KSR2: variants seen among roughly 807,000 people sequenced by gnomAD.
The protein encoded by KSR2 is kinase suppressor of ras 2.
KSR2 carries 25 observed loss-of-function variants against 107.8 expected under a neutral mutation model. The ratio of observed to expected loss-of-function variants is 0.23; its 90% CI spans 0.17 to 0.32. The LOEUF (loss-of-function observed/expected upper bound fraction) is 0.32. Among genes scored for constraint, KSR2 ranks in the 10% least tolerant of loss-of-function variants. The probability of loss-of-function intolerance (pLI) is 1.00; values close to 1 mark genes in which losing one functional copy is unlikely to be tolerated. For synonymous variants in KSR2, 480 were observed against 507.0 expected, an observed-to-expected ratio of 0.95 and a Z score of 0.71; for missense variants, 887 against 1,268.9, an observed-to-expected ratio of 0.70 and a Z score of 4.57.
rs111263281 is a variant in KSR2, at chr12:117,574,757, T to G, written c.1325+4362A>C. Among the ~76,000 whole-genome samples, 407 of 152,216 alleles carry G rather than the reference T, an allele frequency of 2.7e-3. 1 individual carries two copies. The highest frequency in any genetic ancestry group is 9.1e-3 in the African/African-American group (379 of 41,532). On this transcript the variant is annotated intron_variant, in intron 7 of 19. Coordinates refer to ENST00000339824, the MANE Select transcript of KSR2 (RefSeq NM_173598.6). ...GCAGGTCTGGAGTGGGCCCCAAGAA[T>G]GTGCATTTCTAGCCAGGTGTCAGGT...
intron 18 of KSR2, among the ~76,000 whole-genome samples, chr12:117,470,483 GAAGGTCTAGAAT>G (rs1871382881): frequency 6.6e-6 from 1 of 152,158 alleles, no homozygotes; most frequent in Non-Finnish European, 1.5e-5. Context: ...CTCTATTCTA[GAAGGTCTAGAAT>G]ACACTGAGGT....
chr12:117,893,872 A>T lies in KSR2; in HGVS notation c.181-33441T>A, dbSNP rs115298326. Among the ~76,000 whole-genome samples, 538 of 151,556 alleles carry T rather than the reference A, an allele frequency of 3.5e-3. 2 individuals are homozygous for T. The highest frequency in any genetic ancestry group is 0.012 in the African/African-American group (484 of 41,314). ...TAACGCAGCATTTTAAAAAGTCAAA[A>T]TTCATAGCCAGAAAAATCCACAAAG... On this transcript the variant is annotated intron_variant, in intron 1 of 19. Transcript: ENST00000339824.
intron 16 of KSR2, among the ~76,000 whole-genome samples, chr12:117,483,885 G>A (rs1441783271): frequency 1.3e-5 from 2 of 152,200 alleles, no homozygotes; most frequent in African/African-American, 4.8e-5. Flanking sequence ...GACAGAGGAA[G>A]GCATCAACAA....
chr12:117,565,575 T>C (rs1005005146), intron 7 of KSR2, among the ~76,000 whole-genome samples: 2 of 152,224 alleles, frequency 1.3e-5, no homozygotes, highest in African/African-American at 4.8e-5. Context: ...TATCAGTTTA[T>C]ATATGGCTAT....
At chr12:117,577,765 C>A (rs816197) in intron 7 of KSR2, among the ~76,000 whole-genome samples, 22,261 of 152,130 alleles carry the variant, frequency 0.15, 1,937 homozygotes, top group Non-Finnish European at 0.19. Flanking sequence ...ACCACCCCCA[C>A]GATTCAATTA....
chr12:117,622,414 T>C (rs1403764343), intron 5 of KSR2, among the ~76,000 whole-genome samples: 3 of 152,186 alleles, frequency 2.0e-5, no homozygotes, highest in Admixed American at 2.0e-4. Flanking sequence ...GAGAACCTCT[T>C]TGATAAGACA....
At chr12:117,785,509 C>T (rs1890038975) in intron 3 of KSR2, among the ~76,000 whole-genome samples, 1 of 145,208 alleles carries the variant, frequency 6.9e-6, no homozygotes. Flanking sequence ...AACTTTAAAG[C>T]AGGCATTATG....
intron 14 of KSR2, among the ~76,000 whole-genome samples, chr12:117,523,249 C>T (rs550316299): frequency 2.0e-4 from 31 of 152,266 alleles, no homozygotes; most frequent in African/African-American, 7.0e-4. Flanking sequence ...AAAGACACAC[C>T]AGCTCTTCTC....
At chr12:117,626,671 T>C (rs925678520) in intron 5 of KSR2, among the ~76,000 whole-genome samples, 34 of 152,328 alleles carry the variant, frequency 2.2e-4, no homozygotes, top group African/African-American at 8.2e-4. Context: ...CTGAGAAGAA[T>C]GTATACTCTG....
In KSR2 at chr12:117,471,332, C is replaced by T. The variant is rs370118632; in HGVS notation, c.2583-12G>A. On this transcript the variant is annotated splice_polypyrimidine_tract_variant and intron_variant, in intron 17 of 19. Transcript: ENST00000339824. ...CATACCAGATTGTGCTGTTGGCAGACGTTGTTAAAGGGGTGTTGGTGTGGT... is the reference window on the plus strand; with the variant it reads ...CATACCAGATTGTGCTGTTGGCAGATGTTGTTAAAGGGGTGTTGGTGTGGT... 2.5e-5 allele frequency: 40 copies of T among 1,610,858 alleles called. No individual in the cohort carries two copies. The highest frequency in any genetic ancestry group is 5.3e-5 in the African/African-American group (4 of 74,854).
At chr12:117,937,565 G>A (rs999539270) in intron 1 of KSR2, among the ~76,000 whole-genome samples, 1 of 152,054 alleles carries the variant, frequency 6.6e-6, no homozygotes, top group Non-Finnish European at 1.5e-5. Flanking sequence ...TGGCAAATGA[G>A]ACTGCCTTAT....
intron 4 of KSR2, among the ~76,000 whole-genome samples, chr12:117,710,530 A>C (rs1593156318): frequency 6.6e-6 from 1 of 152,068 alleles, no homozygotes; most frequent in East Asian, 1.9e-4. Context: ...AACAGAGGCA[A>C]GTGTTTTGTG....
chr12:117,794,362 C>A lies in KSR2; in HGVS notation c.473-32838G>T, dbSNP rs1202413113. ...ACACTCACACCAACAGGCACACACA[C>A]CAACATGCACACTCACACCAACATG... On this transcript the variant is annotated intron_variant, in intron 3 of 19. Transcript: ENST00000339824. Among the ~76,000 whole-genome samples, 6 of 122,456 alleles carry A rather than the reference C, an allele frequency of 4.9e-5. 1 individual carries two copies. The highest frequency in any genetic ancestry group is 1.9e-4 in the African/African-American group (6 of 31,284). 80.3% of individuals were successfully genotyped at this position (122,456 alleles called of 152,430 possible).
intron 1 of KSR2, among the ~76,000 whole-genome samples, chr12:117,916,135 C>CTTTTTTT (rs34082573): frequency 3.8e-5 from 4 of 105,430 alleles, no homozygotes; most frequent in African/African-American, 1.2e-4. Flanking sequence ...ATTTCTTCTT[C>CTTTTTTT]TTTTTTTTTT....
At chr12:117,903,160 C>T (rs1360409482) in intron 1 of KSR2, among the ~76,000 whole-genome samples, 2 of 152,134 alleles carry the variant, frequency 1.3e-5, no homozygotes, top group Admixed American at 6.6e-5. Context: ...ATTTTGTCGT[C>T]AGGTTTGATA....
At chr12:117,506,825 A>G (rs933838526) in intron 14 of KSR2, among the ~76,000 whole-genome samples, 6 of 152,174 alleles carry the variant, frequency 3.9e-5, no homozygotes, top group African/African-American at 1.2e-4. Context: ...ATAGATAGAT[A>G]GATTTATTTA....
intron 17 of KSR2, among the ~76,000 whole-genome samples, chr12:117,475,861 T>C (rs1170401752): frequency 1.3e-5 from 2 of 152,220 alleles, no homozygotes; most frequent in Non-Finnish European, 2.9e-5. Context: ...GTAGCCACCA[T>C]GTTGTGAAGT....
At chr12:117,772,805 A>C (rs1889553443) in intron 3 of KSR2, among the ~76,000 whole-genome samples, 1 of 152,168 alleles carries the variant, frequency 6.6e-6, no homozygotes, top group Non-Finnish European at 1.5e-5. Flanking sequence ...CTGACACAAC[A>C]CACCATTCCA....
chr12:117,629,299 G>A (rs750767544), intron 5 of KSR2, among the ~76,000 whole-genome samples: 6 of 152,338 alleles, frequency 3.9e-5, no homozygotes, highest in Middle Eastern at 3.4e-3. Context: ...GCTGGGAGCT[G>A]CAGACCAGAG....
Sources: gnomAD v4.1 joint callset for allele counts (sites outside exome capture counted in the v4.1 genomes callset) on GRCh38, gnomAD v4.1.1 for gene constraint, MANE v1.5 for transcripts, NCBI Gene and HGNC (gene_info 2026-07-23, HGNC 2026-07-21) for gene names.